ELAPOR2: variants seen among roughly 807,000 people sequenced by gnomAD.
ELAPOR2 encodes the protein endosome-lysosome associated apoptosis and autophagy regulator family member 2.
ELAPOR2 carries 89 observed loss-of-function variants against 120.7 expected under a neutral mutation model. The ratio of observed to expected loss-of-function variants is 0.74; its 90% confidence interval spans 0.62 to 0.88. The LOEUF (loss-of-function observed/expected upper bound fraction) is 0.88. Among genes scored for constraint, ELAPOR2 ranks in the 40% least tolerant of loss-of-function variants. The probability of loss-of-function intolerance (pLI) is 0.00; values close to 1 mark genes in which losing one functional copy is unlikely to be tolerated. For synonymous variants in ELAPOR2, 444 were observed against 444.9 expected, an observed-to-expected ratio of 1.00 and a Z score of 0.03; for missense variants, 1,134 against 1,251.6, an observed-to-expected ratio of 0.91 and a Z score of 1.42.
intron 1 of ELAPOR2, among the ~76,000 whole-genome samples, chr7:86,979,902 C>G (rs1455009418): frequency 6.6e-6 from 1 of 152,132 alleles, no homozygotes; most frequent in East Asian, 1.9e-4. Flanking sequence ...GCCCCTTTCT[C>G]ATCTCTTTTT....
intron 1 of ELAPOR2, among the ~76,000 whole-genome samples, chr7:87,021,016 C>A (rs759549536): frequency 6.6e-6 from 1 of 151,982 alleles, no homozygotes; most frequent in African/African-American, 2.4e-5. Flanking sequence ...TATGTTTAAT[C>A]CTCACAACTC....
intron 1 of ELAPOR2, among the ~76,000 whole-genome samples, chr7:87,033,137 G>A (rs750822630): frequency 6.6e-6 from 1 of 152,092 alleles, no homozygotes; most frequent in Non-Finnish European, 1.5e-5. Flanking sequence ...GGGAGGTAGT[G>A]GAGTTCAGTG....
At chr7:87,030,152 T>C (rs534616700) in intron 1 of ELAPOR2, among the ~76,000 whole-genome samples, 1 of 152,118 alleles carries the variant, frequency 6.6e-6, no homozygotes, top group Non-Finnish European at 1.5e-5. Context: ...TCATAGAGAG[T>C]GCAGAACTCA....
intron 1 of ELAPOR2, among the ~76,000 whole-genome samples, chr7:86,985,747 A>C (rs1242275582): frequency 1.3e-5 from 2 of 152,046 alleles, no homozygotes; most frequent in African/African-American, 4.8e-5. Flanking sequence ...TACATGTGCC[A>C]TGTTGGTGTG....
intron 16 of ELAPOR2, 68 bp downstream of exon 16, chr7:86,909,744 G>A: frequency 7.6e-7 from 1 of 1,322,714 alleles, no homozygotes; most frequent in East Asian, 2.4e-5. Flanking sequence ...CCAATACAAT[G>A]ACAAGTTATT....
intron 1 of ELAPOR2, among the ~76,000 whole-genome samples, chr7:87,002,095 C>A (rs975709409): frequency 3.3e-5 from 5 of 152,160 alleles, no homozygotes; most frequent in Non-Finnish European, 7.4e-5. Context: ...TGTCAAGGAA[C>A]CCAGCCAGCT....
intron 1 of ELAPOR2, among the ~76,000 whole-genome samples, chr7:86,987,299 G>A (rs866871048): frequency 1.3e-5 from 2 of 152,150 alleles, no homozygotes; most frequent in African/African-American, 4.8e-5. Flanking sequence ...AGGACTTCAT[G>A]ATGAAAACAC....
chr7:87,048,342 A>G (rs888850653), intron 1 of ELAPOR2, among the ~76,000 whole-genome samples: 1 of 152,180 alleles, frequency 6.6e-6, no homozygotes, highest in African/African-American at 2.4e-5. Context: ...ACATGGATAG[A>G]ACTGGAGGTA....
At chr7:87,058,878 T>C (rs1233411174) in intron 1 of ELAPOR2, among the ~76,000 whole-genome samples, 2 of 152,008 alleles carry the variant, frequency 1.3e-5, no homozygotes, top group African/African-American at 4.8e-5. Context: ...CGAAGGCGTT[T>C]GCAGAGACAG....
intron 12 of ELAPOR2, among the ~76,000 whole-genome samples, chr7:86,917,974 G>T (rs1789641672): frequency 6.6e-6 from 1 of 152,054 alleles, no homozygotes; most frequent in Non-Finnish European, 1.5e-5. Flanking sequence ...GAAAAGAAAT[G>T]GGCAAAATTA....
rs542935363 is a variant in ELAPOR2 at position 87,023,653 on chromosome 7, G to C, written c.189+35672C>G. Among the ~76,000 whole-genome samples the C allele has an allele frequency of 8.1e-4, 123 of 152,184 alleles. 1 individual carries two copies. Among genetic ancestry groups the C allele is most frequent in the Middle Eastern group, 3.4e-3 (1 of 294 alleles). ...GGCAGTGAATCTATAAATTACCTTG[G>C]GCAGTATGGCCATTTTCATGATATT... is the stretch of plus-strand genomic sequence containing the variant. On this transcript the variant is annotated intron_variant, in intron 1 of 21. Coordinates refer to ENST00000450689, the MANE Select transcript of ELAPOR2 (RefSeq NM_001142749.3).
rs559228412 is a variant in ELAPOR2 at position 86,878,646 on chromosome 7, A to T, written c.*1825T>A. ...ACAGCTTTGCCAGGGTTCCTCTGAA[A>T]GGGTTCATTTCAAATGTATTTTCAC... On this transcript the variant is annotated 3_prime_UTR_variant, in exon 22 of 22. Transcript: ENST00000450689. 6.6e-6 allele frequency: 1 copy of T among 152,296 alleles called. No individual in the cohort carries two copies. The highest frequency in any genetic ancestry group is 6.5e-5 in the Admixed American group (1 of 15,276). The allele number at this position is 152,296 out of a possible 1,614,324, so 9.4% of individuals were successfully genotyped here.
intron 20 of ELAPOR2, 79 bp downstream of exon 20, chr7:86,892,843 G>A: frequency 8.0e-7 from 1 of 1,249,662 alleles, no homozygotes. Context: ...CTATTTATTG[G>A]ATATAATGAT....
chr7:87,041,177 G>T (rs117572024), intron 1 of ELAPOR2, among the ~76,000 whole-genome samples: 2,390 of 152,178 alleles, frequency 0.016, 30 homozygotes, highest in Admixed American at 0.024. Flanking sequence ...GAACCAAGTT[G>T]GAAAACACGT....
chr7:86,907,547 AC>A (rs1025949744), intron 18 of ELAPOR2, 122 bp downstream of exon 18: 4 of 631,098 alleles, frequency 6.3e-6, no homozygotes, highest in African/African-American at 2.1e-5. Flanking sequence ...AAAAAAAAAA[AC>A]CCTACAGATT....
In ELAPOR2 at chr7:87,026,459, A is replaced by G. The variant is rs1421800832; in HGVS notation, c.189+32866T>C. 2.6e-5 allele frequency among the ~76,000 whole-genome samples: 4 copies of G among 152,014 alleles called. No homozygotes were observed. In the East Asian group the frequency reaches 7.7e-4, roughly 29 times the overall value. ...GTATACAAAGTTAGGAATTAAAAAA[A>G]AAAAGACTCTCTCAAGAGAGTCATT... On this transcript the variant is annotated intron_variant, in intron 1 of 21. Transcript: ENST00000450689.
chr7:87,024,860 T>G (rs1794191963), intron 1 of ELAPOR2, among the ~76,000 whole-genome samples: 1 of 152,022 alleles, frequency 6.6e-6, no homozygotes, highest in Non-Finnish European at 1.5e-5. Context: ...CAGGAAGAAG[T>G]TGAATCTCTG....
In ELAPOR2 at chr7:86,877,871, G is replaced by C. The variant is rs895379131; in HGVS notation, c.*2600C>G. On this transcript the variant is annotated 3_prime_UTR_variant, in exon 22 of 22. Coordinates refer to ENST00000450689, the MANE Select transcript of ELAPOR2 (RefSeq NM_001142749.3). Reference sequence around the variant, plus strand: ...ATGTGATTACTAGTAACTAAAGAGGGGAAAAGTCAACAATAATGAAATTCA... The same window carrying C: ...ATGTGATTACTAGTAACTAAAGAGGCGAAAAGTCAACAATAATGAAATTCA... The C allele has an allele frequency of 6.6e-6, 1 of 152,072 alleles. No homozygotes were observed. Among genetic ancestry groups the C allele is most frequent in the African/African-American group, 2.4e-5 (1 of 41,398 alleles). The allele number at this position is 152,072 out of a possible 1,614,324, so 9.4% of individuals were successfully genotyped here. A position where few individuals can be genotyped will look rare whatever the true frequency, so the allele number is the denominator to read the frequency against.
intron 21 of ELAPOR2, among the ~76,000 whole-genome samples, chr7:86,890,152 A>T (rs190222404): frequency 1.3e-5 from 2 of 151,980 alleles, no homozygotes; most frequent in Non-Finnish European, 2.9e-5. Flanking sequence ...TGAGGTTTGG[A>T]TGTTGTTGGA....
Sources: gnomAD v4.1 joint callset for allele counts (sites outside exome capture counted in the v4.1 genomes callset) on GRCh38, gnomAD v4.1.1 for gene constraint, MANE v1.5 for transcripts, NCBI Gene and HGNC (gene_info 2026-07-23, HGNC 2026-07-21) for gene names.